The following LCN8 variants were observed in gnomAD, a reference collection of about 807,000 sequenced individuals.
LCN8 encodes lipocalin 8, also known as epididymal-specific lipocalin-8.
Under a neutral mutation model 22.8 loss-of-function variants are expected in LCN8, and 16 were observed. The observed-to-expected ratio is 0.70, with a 90% CI of 0.47 to 1.06. The LOEUF (loss-of-function observed/expected upper bound fraction) is 1.06, where lower values mean the gene tolerates loss of function less well. Among genes scored for constraint, LCN8 ranks in the 50% least tolerant of loss-of-function variants. LCN8 has a pLI of 0.00. For synonymous variants in LCN8, 92 were observed against 83.4 expected (o/e 1.10, Z -0.56); for missense variants, 189 against 203.3 (o/e 0.93, Z 0.43).
intron 6 of LCN8, chr9:136,754,838 G>GAAGCAGC: frequency 7.4e-7 from 1 of 1,347,666 alleles, no homozygotes. Flanking sequence ...CGAAGAAAAG[G>GAAGCAGC]CGCCATTTCT....
At chr9:136,757,352 G>A (rs146600206) in intron 1 of LCN8, 184 bp from the exon 2 acceptor site, 50,856 of 1,438,316 alleles carry the variant, frequency 0.035, 1,006 homozygotes, top group Non-Finnish European at 0.041. Flanking sequence ...CCCTCCAAGC[G>A]GTGCCTTCAG....
intron 1 of LCN8, 79 bp from the exon 2 acceptor site, chr9:136,757,247 G>A: frequency 6.5e-7 from 1 of 1,546,040 alleles, no homozygotes; most frequent in Non-Finnish European, 8.7e-7. Flanking sequence ...CCCCCGGGCA[G>A]GGGCCTGCTG....
intron 6 of LCN8, 115 bp downstream of exon 6, chr9:136,755,020 G>T: frequency 6.9e-7 from 1 of 1,439,068 alleles, no homozygotes; most frequent in Non-Finnish European, 9.1e-7. Flanking sequence ...AGGAAGGGGT[G>T]AGAAGGCCCA....
chr9:136,757,141 CA>C lies in LCN8; in HGVS notation c.51del (p.Val18TrpfsTer9), dbSNP rs1564332563. 1 of 1,613,140 alleles carries C rather than the reference CA, an allele frequency of 6.2e-7. No homozygotes were observed. Among genetic ancestry groups the C allele is most frequent in the Middle Eastern group, 1.7e-4 (1 of 6,060 alleles). On this transcript the variant is annotated frameshift_variant, in exon 2 of 7. Coordinates refer to ENST00000371688, the MANE Select transcript of LCN8 (RefSeq NM_178469.4). LOFTEE classifies it high-confidence loss of function. ...QKIGGFWREV[G>X]VASDQSLVLT... is the part of the protein sequence containing the mutation. The stretch of plus-strand genomic sequence containing the variant: ...AGCACCAGGCTTTGATCGGAGGCCA[CA>C]CCGACTTCCCTCCAGAATCCTCCAA...
At position 136,757,599 on chromosome 9, in the gene LCN8, A is replaced by AGGG. The variant is rs1847240592; in HGVS notation, c.24+307_24+308insCCC. Reference sequence around the variant, plus strand: ...AGCTCGCCAGCCTGCCAACCACGCCAGAGGATGGGCCTCCTGCCCTCAGCA... The same window carrying AGGG: ...AGCTCGCCAGCCTGCCAACCACGCCAGGGGAGGATGGGCCTCCTGCCCTCAGCA... On this transcript the variant is annotated intron_variant, in intron 1 of 6. Transcript: ENST00000371688. The AGGG allele has an allele frequency of 5.0e-6, 7 of 1,400,548 alleles. No individual in the cohort carries two copies. In the Admixed American group the frequency reaches 2.1e-4, roughly 41 times the overall value. 86.8% of individuals were successfully genotyped at this position (1,400,548 alleles called of 1,614,324 possible).
chr9:136,755,400 G>A lies in LCN8; in HGVS notation c.331+12C>T. The A allele has an allele frequency of 1.9e-6, 3 of 1,611,394 alleles. No homozygotes were observed. Among genetic ancestry groups the A allele is most frequent in the South Asian group, 2.2e-5 (2 of 91,076 alleles). On this transcript the variant is annotated intron_variant, in intron 4 of 6. Transcript: ENST00000371688. ...GCAGCAGCTGGGCAGAGCCCCCCAG[G>A]GCCAAGCTTACTAAAGTACTTGAGG...
chr9:136,755,253 C>G lies in LCN8; in HGVS notation c.412G>C (p.Ala138Pro), dbSNP rs138769056. 3.9e-5 allele frequency: 63 copies of G among 1,612,470 alleles called. No homozygotes were observed. The highest frequency in any genetic ancestry group is 5.2e-5 in the Non-Finnish European group (61 of 1,179,950). ...AGGCCCCTGGGCTCACCAGGCCGGGCCGCCAGGTAGAGACCAGTGTCTGCT... is the reference window on the plus strand; with the variant it reads ...AGGCCCCTGGGCTCACCAGGCCGGGGCGCCAGGTAGAGACCAGTGTCTGCT... Reference protein sequence around the residue: ...LTADTGLYLAARPGRCAELLK... With the variant: ...LTADTGLYLAPRPGRCAELLK... Residue 138 changes from alanine (A) to proline (P), a missense_variant, in exon 5 of 7, where the codon GCC becomes CCC. Physicochemically the swap from Ala to Pro is conservative, Grantham distance 27. Coordinates refer to ENST00000371688, the MANE Select transcript of LCN8 (RefSeq NM_178469.4).
rs753348001 is a variant in LCN8, at chr9:136,758,124, G to A, written c.-194C>T. Reference sequence around the variant, plus strand: ...GCTTGGCTGCTGGCAGCTCAGAGACGTGGGTTTCTGCACAAGCGCCATCGG... The same window carrying A: ...GCTTGGCTGCTGGCAGCTCAGAGACATGGGTTTCTGCACAAGCGCCATCGG... On this transcript the variant is annotated 5_prime_UTR_variant, in exon 1 of 7. In the 5' UTR this introduces an upstream ATG that the reference lacks. Transcript: ENST00000371688. 5.5e-5 allele frequency: 80 copies of A among 1,452,636 alleles called. No homozygotes were observed. The highest frequency in any genetic ancestry group is 7.0e-5 in the Non-Finnish European group (77 of 1,101,798). 90.0% of individuals were successfully genotyped at this position (1,452,636 alleles called of 1,614,324 possible). A position where few individuals can be genotyped will look rare whatever the true frequency, so the allele number is the denominator to read the frequency against.
chr9:136,757,678 G>A (rs1847242617), intron 1 of LCN8: 11 of 1,436,564 alleles, frequency 7.7e-6, no homozygotes, highest in South Asian at 3.0e-5. Flanking sequence ...TACCATTTTC[G>A]GGAGGAAAGA....
chr9:136,754,479 G>C lies in LCN8; in HGVS notation c.*19C>G. ...GTGGGCGGGCGCTCCGAACCTTGTG[G>C]TCTGAGGCAGGAACTCCATTAAATC... On this transcript the variant is annotated 3_prime_UTR_variant, in exon 7 of 7. Transcript: ENST00000371688. 6.4e-7 allele frequency: 1 copy of C among 1,557,428 alleles called. No homozygotes were observed. The highest frequency in any genetic ancestry group is 8.7e-7 in the Non-Finnish European group (1 of 1,150,172).
Position 136,757,919 on chromosome 9 carries a change from C to T in LCN8, c.12G>A (p.Leu4=). ...AAGGAGAAGCCACCTTCTGCCGGTC[C>T]AGCTCCTCCATGGCTGCTGCCACCT... is the stretch of plus-strand genomic sequence containing the variant. The part of the protein sequence containing the change: MEE[L]DRQKIGGFWR... The change falls in exon 1 of 7, where the codon CTG becomes CTA. Residue 4 remains leucine (L), a synonymous_variant. Transcript: ENST00000371688. 6.2e-7 allele frequency: 1 copy of T among 1,613,708 alleles called. No individual in the cohort carries two copies. The highest frequency in any genetic ancestry group is 1.1e-5 in the South Asian group (1 of 91,062).
chr9:136,755,711 C>T, intron 3 of LCN8, 195 bp from the exon 4 acceptor site: 1 of 1,520,808 alleles, frequency 6.6e-7, no homozygotes, highest in Non-Finnish European at 8.8e-7. Context: ...ATGAAATGTG[C>T]AGGGAACAGC....
chr9:136,754,601 T>C, intron 6 of LCN8, 92 bp from the exon 7 acceptor site: 2 of 1,500,826 alleles, frequency 1.3e-6, no homozygotes, highest in Non-Finnish European at 1.8e-6. Context: ...ACTTCTGTCC[T>C]CGCTGCCTGG....
Position 136,755,233 on chromosome 9 carries a change from C to T in LCN8, c.421+11G>A, listed in dbSNP as rs374838510. Reference sequence around the variant, plus strand: ...CCAGCCCAGCCTCCACCCCAAGGCCCCTGGGCTCACCAGGCCGGGCCGCCA... The same window carrying T: ...CCAGCCCAGCCTCCACCCCAAGGCCTCTGGGCTCACCAGGCCGGGCCGCCA... On this transcript the variant is annotated intron_variant, in intron 5 of 6. Transcript: ENST00000371688. 151 of 1,612,422 alleles carry T rather than the reference C, an allele frequency of 9.4e-5. No homozygotes were observed. Among genetic ancestry groups the T allele is most frequent in the Non-Finnish European group, 9.6e-5 (113 of 1,179,798 alleles).
intron 4 of LCN8, 38 bp from the exon 5 acceptor site, chr9:136,755,371 G>T: frequency 6.2e-7 from 1 of 1,610,676 alleles, no homozygotes; most frequent in Non-Finnish European, 8.5e-7. Flanking sequence ...CAGTCCCTGG[G>T]AGAGCAGCAG....
intron 6 of LCN8, chr9:136,754,724 C>G: frequency 7.1e-7 from 1 of 1,406,412 alleles, no homozygotes; most frequent in South Asian, 1.6e-5. Context: ...TGGGTTCTCG[C>G]AGTGCCCAAC....
At chr9:136,756,392 C>T (rs1564331915) in intron 3 of LCN8, 130 bp downstream of exon 3, 3 of 1,598,984 alleles carry the variant, frequency 1.9e-6, no homozygotes, top group Admixed American at 1.7e-5. Context: ...GGGAACAGTG[C>T]AGGGAACAGC....
intron 2 of LCN8, 129 bp from the exon 3 acceptor site, chr9:136,756,721 C>T: frequency 7.2e-7 from 1 of 1,395,306 alleles, no homozygotes; most frequent in Non-Finnish European, 9.7e-7. Context: ...AGGCCTGGAG[C>T]AGGATGAGGC....
Position 136,757,487 on chromosome 9 carries a change from A to G in LCN8, c.25-319T>C. 1.1e-5 allele frequency: 15 copies of G among 1,349,886 alleles called. 1 individual carries two copies. The South Asian group carries it at 2.3e-4, about 21-fold the overall frequency. 83.6% of individuals were successfully genotyped at this position (1,349,886 alleles called of 1,614,324 possible). On this transcript the variant is annotated intron_variant, in intron 1 of 6. Transcript: ENST00000371688. ...ACAGGCCCTGCCTGACCTCGGAGGCAGGACCCAGGAGCAGAGGCCTGGAAA... is the reference window on the plus strand; with the variant it reads ...ACAGGCCCTGCCTGACCTCGGAGGCGGGACCCAGGAGCAGAGGCCTGGAAA...
Sources: gnomAD v4.1 joint callset for allele counts on GRCh38, gnomAD v4.1.1 for gene constraint, MANE v1.5 for transcripts, NCBI Gene and HGNC (gene_info 2026-07-23, HGNC 2026-07-21) for gene names.